The following UBE2E2 variants were observed in gnomAD, a reference collection of about 807,000 sequenced individuals.
UBE2E2 encodes the protein ubiquitin conjugating enzyme E2 E2, also known as ubiquitin-conjugating enzyme E2 E2.
A neutral mutation model predicts 24.7 loss-of-function variants in UBE2E2; 6 were observed. That is an observed-to-expected ratio of 0.24 (90% CI 0.13 to 0.48). UBE2E2 has a LOEUF of 0.48. Ranked by LOEUF, UBE2E2 falls within the 20% of genes least tolerant of loss-of-function variation. The pLI is 0.99. For missense variants in UBE2E2, 169 were observed against 245.0 expected, an observed-to-expected ratio of 0.69 and a Z score of 2.07; for synonymous variants, 104 against 83.6, an observed-to-expected ratio of 1.24 and a Z score of -1.33.
At chr3:23,284,648 C>T (rs1186761110) in intron 3 of UBE2E2, among the ~76,000 whole-genome samples, 3 of 151,740 alleles carry the variant, frequency 2.0e-5, no homozygotes, top group Admixed American at 6.6e-5. Context: ...GAGTATTTGT[C>T]TTTTAAAGAA....
chr3:23,524,871 C>CACACACAG, intron 4 of UBE2E2, among the ~76,000 whole-genome samples: 1 of 151,068 alleles, frequency 6.6e-6, no homozygotes, highest in East Asian at 1.9e-4. Flanking sequence ...CACAGACACA[C>CACACACAG]ACACACACAC....
chr3:23,250,523 T>C (rs1476158483), intron 3 of UBE2E2, among the ~76,000 whole-genome samples: 2 of 152,250 alleles, frequency 1.3e-5, no homozygotes, highest in African/African-American at 4.8e-5. Flanking sequence ...TAGTATTGTT[T>C]CCTCATATTC....
intron 3 of UBE2E2, among the ~76,000 whole-genome samples, chr3:23,409,577 A>G (rs1402039004): frequency 1.3e-5 from 2 of 152,256 alleles, no homozygotes; most frequent in South Asian, 2.1e-4. Flanking sequence ...TTACTTCTGT[A>G]TTTTGCATTC....
At chr3:23,492,488 T>G (rs1699519585) in intron 3 of UBE2E2, among the ~76,000 whole-genome samples, 1 of 152,204 alleles carries the variant, frequency 6.6e-6, no homozygotes, top group African/African-American at 2.4e-5. Flanking sequence ...AGAATTTCAC[T>G]GGGTTGTAGG....
intron 5 of UBE2E2, among the ~76,000 whole-genome samples, chr3:23,553,014 T>C (rs879294078): frequency 4.6e-5 from 7 of 152,208 alleles, no homozygotes; most frequent in African/African-American, 7.2e-5. Context: ...CCCTTTCTTA[T>C]TGATTTTTAA....
chr3:23,586,390 G>T (rs1323218354), intron 5 of UBE2E2, among the ~76,000 whole-genome samples: 2 of 152,080 alleles, frequency 1.3e-5, no homozygotes, highest in African/African-American at 4.8e-5. Context: ...AAACTTCTGG[G>T]CTCAAGCGAT....
intron 5 of UBE2E2, among the ~76,000 whole-genome samples, chr3:23,553,881 T>G (rs536160422): frequency 6.6e-6 from 1 of 152,076 alleles, no homozygotes; most frequent in Non-Finnish European, 1.5e-5. Flanking sequence ...GATAAAACAT[T>G]GATGAAAGAA....
At chr3:23,237,845 AT>A (rs1300045040) in intron 3 of UBE2E2, among the ~76,000 whole-genome samples, 1 of 152,144 alleles carries the variant, frequency 6.6e-6, no homozygotes, top group Admixed American at 6.6e-5. Context: ...TTACAATGCA[AT>A]TTCTAACAGG....
At chr3:23,247,504 GC>G (rs1559454903) in intron 3 of UBE2E2, among the ~76,000 whole-genome samples, 1 of 152,054 alleles carries the variant, frequency 6.6e-6, no homozygotes, top group Admixed American at 6.5e-5. Flanking sequence ...ACAGGTGCCC[GC>G]CACCAAGCCT....
At chr3:23,267,756 A>T (rs1432607113) in intron 3 of UBE2E2, among the ~76,000 whole-genome samples, 7 of 151,822 alleles carry the variant, frequency 4.6e-5, no homozygotes, top group African/African-American at 1.7e-4. Context: ...CAACCAAAAA[A>T]GAGAATTTTA....
At chr3:23,358,956 G>T (rs1696040253) in intron 3 of UBE2E2, among the ~76,000 whole-genome samples, 2 of 152,162 alleles carry the variant, frequency 1.3e-5, no homozygotes, top group African/African-American at 4.8e-5. Flanking sequence ...CAAAGTGTTA[G>T]AAGCAAAATT....
chr3:23,299,053 C>T (rs1372810922), intron 3 of UBE2E2, among the ~76,000 whole-genome samples: 6 of 152,086 alleles, frequency 3.9e-5, no homozygotes, highest in Admixed American at 1.3e-4. Flanking sequence ...CCATTTCTTC[C>T]AGATTTTCTA....
intron 5 of UBE2E2, among the ~76,000 whole-genome samples, chr3:23,542,932 T>G (rs1208883773): frequency 2.6e-5 from 4 of 152,198 alleles, no homozygotes; most frequent in African/African-American, 9.7e-5. Flanking sequence ...TTAATTAATA[T>G]AAATGTCGAC....
At chr3:23,381,247 G>C (rs1047323747) in intron 3 of UBE2E2, among the ~76,000 whole-genome samples, 2 of 152,130 alleles carry the variant, frequency 1.3e-5, no homozygotes, top group African/African-American at 4.8e-5. Flanking sequence ...GATTAGCTCT[G>C]GATTCAAATC....
intron 3 of UBE2E2, among the ~76,000 whole-genome samples, chr3:23,442,624 G>A (rs1698332939): frequency 6.6e-6 from 1 of 152,156 alleles, no homozygotes; most frequent in African/African-American, 2.4e-5. Context: ...ATAAAAGCCT[G>A]TTTTATGAGC....
At chr3:23,371,324 TC>T in intron 3 of UBE2E2, among the ~76,000 whole-genome samples, 1 of 152,256 alleles carries the variant, frequency 6.6e-6, no homozygotes, top group Admixed American at 6.5e-5. Context: ...AGCCACCCTG[TC>T]CAGCCTGTTA....
chr3:23,500,782 G>A lies in UBE2E2; in HGVS notation c.360+1042G>A, dbSNP rs78211816. Among the ~76,000 whole-genome samples the A allele has an allele frequency of 5.6e-4, 85 of 152,142 alleles. 3 individuals carry two copies. The East Asian group carries it at 0.015, about 27-fold the overall frequency. ...AGTGTTACCAAAGCAAAAAGTAGTA[G>A]CTATAATTACCCTCAATGAGGAAAC... On this transcript the variant is annotated intron_variant, in intron 4 of 5. Coordinates refer to ENST00000396703, the MANE Select transcript of UBE2E2 (RefSeq NM_152653.4).
At chr3:23,354,146 C>A (rs1252569081) in intron 3 of UBE2E2, among the ~76,000 whole-genome samples, 4 of 152,026 alleles carry the variant, frequency 2.6e-5, no homozygotes, top group Non-Finnish European at 5.9e-5. Context: ...AAAGGATTCC[C>A]TATTTAATAA....
intron 4 of UBE2E2, among the ~76,000 whole-genome samples, chr3:23,513,088 G>C (rs1694646124): frequency 6.6e-6 from 1 of 152,010 alleles, no homozygotes; most frequent in Non-Finnish European, 1.5e-5. Context: ...TGTTCAACAA[G>C]GAAATAACAT....
Sources: allele counts gnomAD v4.1 joint callset (sites outside exome capture counted in the v4.1 genomes callset), GRCh38; gene constraint gnomAD v4.1.1; transcripts MANE v1.5; gene names NCBI Gene and HGNC (gene_info 2026-07-23, HGNC 2026-07-21).